Variants in IRX3 observed in about 807,000 individuals in gnomAD.
The protein encoded by IRX3 is iroquois-class homeodomain protein IRX-3.
Under a neutral mutation model 36.4 loss-of-function variants are expected in IRX3, and 20 were observed. The observed-to-expected ratio is 0.55, with a 90% CI of 0.39 to 0.80. IRX3 has a LOEUF of 0.80. Ranked by LOEUF, IRX3 falls within the 30% of genes least tolerant of loss-of-function variation. The pLI is 0.00. For synonymous variants in IRX3, 404 were observed against 351.6 expected (o/e 1.15, Z -1.67); for missense variants, 718 against 733.2 (o/e 0.98, Z 0.24).
In IRX3 at chr16:54,285,380, G is replaced by T. The variant is rs765066799; in HGVS notation, c.501C>A (p.Thr167=). The T allele has an allele frequency of 1.9e-6, 3 of 1,614,094 alleles. No individual in the cohort carries two copies. The African/African-American group carries it at 4.0e-5, about 22-fold the overall frequency. ...KGEKIMLAII[T]KMTLTQVSTW... ...TGGACACCTGGGTGAGGGTCATCTT[G>T]GTGATGATGGCCAGCATGATCTTCT... The change falls in exon 2 of 4, where the codon ACC becomes ACA. Residue 167 remains threonine, a synonymous_variant. Transcript: ENST00000329734. This position sits in a 1 kb window ranked among gnomAD's most constrained non-coding sequence, Gnocchi z 5.7.
chr16:54,284,237 G>T lies in IRX3; in HGVS notation c.1451+9C>A, dbSNP rs940813453. 13 of 1,609,868 alleles carry T rather than the reference G, an allele frequency of 8.1e-6. No individual in the cohort carries two copies. The African/African-American group carries it at 9.4e-5, about 12-fold the overall frequency. On this transcript the variant is annotated intron_variant, in intron 3 of 3. Transcript: ENST00000329734. This position sits in a 1 kb window ranked among gnomAD's most constrained non-coding sequence, Gnocchi z 4.0. ...GTCCCCCTGGCCCCTCAACCTCGGGGTTTCTTACCGCCTGGGCACGGGCTG... is the reference window on the plus strand; with the variant it reads ...GTCCCCCTGGCCCCTCAACCTCGGGTTTTCTTACCGCCTGGGCACGGGCTG...
rs1367845662 is a variant in IRX3, at chr16:54,285,973, G to A, written c.78C>T (p.Ser26=). 4.3e-6 allele frequency: 6 copies of A among 1,381,256 alleles called. No individual in the cohort carries two copies. The highest frequency in any genetic ancestry group is 1.8e-5 in the South Asian group (1 of 56,230). 85.6% of individuals were successfully genotyped at this position (1,381,256 alleles called of 1,614,324 possible). The change falls in exon 1 of 4, where the codon AGC becomes AGT. Residue 26 remains serine, a synonymous_variant. Coordinates refer to ENST00000329734, the MANE Select transcript of IRX3 (RefSeq NM_024336.3). This position sits in a 1 kb window ranked among gnomAD's most constrained non-coding sequence, Gnocchi z 5.7. ...PSERPGAAGG[S]GGSAGARGGL... ...CGCCCCGGGCCCCCGCGCTGCCGCC[G>A]CTGCCGCCAGCGGCCCCCGGGCGCT...
chr16:54,285,060 G>T lies in IRX3; in HGVS notation c.821C>A (p.Ala274Glu). ...TEPELSLAGA[A>E]RRDGDLGLGP... ...CAGGCCTAGGTCGCCATCCCTGCGCGCCGCCCCAGCCAGGGACAGCTCAGG... is the reference window on the plus strand; with the variant it reads ...CAGGCCTAGGTCGCCATCCCTGCGCTCCGCCCCAGCCAGGGACAGCTCAGG... Residue 274 changes from alanine to glutamate, a missense_variant, in exon 2 of 4, where the codon GCG becomes GAG. Transcript: ENST00000329734. This position sits in a 1 kb window ranked among gnomAD's most constrained non-coding sequence, Gnocchi z 5.7. The T allele has an allele frequency of 6.2e-7, 1 of 1,613,786 alleles. No individual in the cohort carries two copies. Among genetic ancestry groups the T allele is most frequent in the Non-Finnish European group, 8.5e-7 (1 of 1,179,958 alleles).
rs202139116 is a variant in IRX3, at chr16:54,284,326, G to A, written c.1385-14C>T. ...CACTACAGCGATCTAAGGGAAGCGG[G>A]GGAAGAAAAAGGAGGGCCTTTAGAG... On this transcript the variant is annotated splice_polypyrimidine_tract_variant and intron_variant, in intron 2 of 3. Coordinates refer to ENST00000329734, the MANE Select transcript of IRX3 (RefSeq NM_024336.3). This position sits in a 1 kb window ranked among gnomAD's most constrained non-coding sequence, Gnocchi z 4.0. 2,527 of 1,600,984 alleles carry A rather than the reference G, an allele frequency of 1.6e-3. 11 individuals are homozygous for A. In the Middle Eastern group the frequency reaches 0.018, roughly 12 times the overall value.
chr16:54,285,694 G>A lies in IRX3; in HGVS notation c.268-81C>T. On this transcript the variant is annotated intron_variant, in intron 1 of 3. Transcript: ENST00000329734. This position sits in a 1 kb window ranked among gnomAD's most constrained non-coding sequence, Gnocchi z 5.7. The stretch of plus-strand genomic sequence containing the variant: ...AGCCATCGCTGCCTCCCCCCTCCTG[G>A]CCTGCACCCCTCTAGTCCGGCCCCC... The A allele has an allele frequency of 6.8e-7, 1 of 1,463,672 alleles. No individual in the cohort carries two copies. Among genetic ancestry groups the A allele is most frequent in the Non-Finnish European group, 9.0e-7 (1 of 1,113,576 alleles). 90.7% of individuals were successfully genotyped at this position (1,463,672 alleles called of 1,614,324 possible).
At position 54,284,567 on chromosome 16, in the gene IRX3, AAGTCCCAGC is replaced by A; in HGVS notation, c.1305_1313del (p.Leu436_Leu438del). The A allele has an allele frequency of 7.1e-7, 1 of 1,411,860 alleles. No individual in the cohort carries two copies. The highest frequency in any genetic ancestry group is 9.1e-7 in the Non-Finnish European group (1 of 1,094,988). 87.5% of individuals were successfully genotyped at this position (1,411,860 alleles called of 1,614,324 possible). ...CAGCCGGGTGGCCCGCGGCTCCGGGAAGTCCCAGCAGGTGCGGAGGGGCAGAGCCCAGCA... is the reference window on the plus strand; with the variant it reads ...CAGCCGGGTGGCCCGCGGCTCCGGGAAGGTGCGGAGGGGCAGAGCCCAGCA... On this transcript the variant is annotated inframe_deletion, in exon 2 of 4. Coordinates refer to ENST00000329734, the MANE Select transcript of IRX3 (RefSeq NM_024336.3). The surrounding 1 kb of genome is among the most constrained non-coding windows in gnomAD (Gnocchi z 4.0).
Position 54,285,956 on chromosome 16 carries a change from GC to G in IRX3, c.94del (p.Ala32ProfsTer12), listed in dbSNP as rs1389586369. The G allele has an allele frequency of 4.2e-6, 6 of 1,413,308 alleles. No homozygotes were observed. The highest frequency in any genetic ancestry group is 1.6e-5 in the South Asian group (1 of 63,100). 87.5% of individuals were successfully genotyped at this position (1,413,308 alleles called of 1,614,324 possible). The stretch of plus-strand genomic sequence containing the variant: ...GGCTCCGGCACCCAGGCCGCCCCGG[GC>G]CCCCGCGCTGCCGCCGCTGCCGCCA... Reference protein sequence around the residue: ...AAGGSGGSAGARGGLGAGASE... With the variant: ...AAGGSGGSAGXRGGLGAGASE... On this transcript the variant is annotated frameshift_variant, in exon 1 of 4. Coordinates refer to ENST00000329734, the MANE Select transcript of IRX3 (RefSeq NM_024336.3). LOFTEE classifies it high-confidence loss of function. The surrounding 1 kb of genome is among the most constrained non-coding windows in gnomAD (Gnocchi z 5.7).
Position 54,284,293 on chromosome 16 carries a change from T to C in IRX3, c.1404A>G (p.Glu468=). The C allele has an allele frequency of 1.2e-6, 2 of 1,611,976 alleles. No individual in the cohort carries two copies. The highest frequency in any genetic ancestry group is 1.7e-6 in the Non-Finnish European group (2 of 1,179,038). ...CTGTCTTGAGTAACTTTTTCTCCAC[T>C]TCCAAGGCACTACAGCGATCTAAGG... The part of the protein sequence containing the change: ...EGGTDRCSAL[E]VEKKLLKTAF... Residue 468 remains glutamate (E), a synonymous_variant, in exon 3 of 4, where the codon GAA becomes GAG. Coordinates refer to ENST00000329734, the MANE Select transcript of IRX3 (RefSeq NM_024336.3). The surrounding 1 kb of genome is among the most constrained non-coding windows in gnomAD (Gnocchi z 4.0).
At position 54,285,074 on chromosome 16, in the gene IRX3, G is replaced by GGACA; in HGVS notation, c.803_806dup (p.Leu270ValfsTer23). On this transcript the variant is annotated frameshift_variant, in exon 2 of 4. Transcript: ENST00000329734. LOFTEE classifies it high-confidence loss of function. This position sits in a 1 kb window ranked among gnomAD's most constrained non-coding sequence, Gnocchi z 5.7. ...CATCCCTGCGCGCCGCCCCAGCCAGGGACAGCTCAGGCTCGGTGGCCGCGC... is the reference window on the plus strand; with the variant it reads ...CATCCCTGCGCGCCGCCCCAGCCAGGGACAGACAGCTCAGGCTCGGTGGCCGCGC... 1 of 1,613,796 alleles carries GGACA rather than the reference G, an allele frequency of 6.2e-7. No homozygotes were observed. Among genetic ancestry groups the GGACA allele is most frequent in the Non-Finnish European group, 8.5e-7 (1 of 1,179,944 alleles).
rs1179477528 is a variant in IRX3 at position 54,286,170 on chromosome 16, C to T, written c.-120G>A. On this transcript the variant is annotated 5_prime_UTR_variant, in exon 1 of 4. Transcript: ENST00000329734. ...CCGGGCTTGGGGCCGCGCTGCCGCCCGCGCTGCGCTGTGCTCCGCGTTCGC... is the reference window on the plus strand; with the variant it reads ...CCGGGCTTGGGGCCGCGCTGCCGCCTGCGCTGCGCTGTGCTCCGCGTTCGC... 1 of 1,053,022 alleles carries T rather than the reference C, an allele frequency of 9.5e-7. No homozygotes were observed. Among genetic ancestry groups the T allele is most frequent in the African/African-American group, 1.7e-5 (1 of 58,534 alleles). 65.2% of individuals were successfully genotyped at this position (1,053,022 alleles called of 1,614,324 possible).
chr16:54,286,225 G>T lies in IRX3; in HGVS notation c.-175C>A. 9.9e-7 allele frequency: 1 copy of T among 1,012,388 alleles called. No individual in the cohort carries two copies. The highest frequency in any genetic ancestry group is 1.2e-6 in the Non-Finnish European group (1 of 848,466). 62.7% of individuals were successfully genotyped at this position (1,012,388 alleles called of 1,614,324 possible). A position where few individuals can be genotyped will look rare whatever the true frequency, so the allele number is the denominator to read the frequency against. The stretch of plus-strand genomic sequence containing the variant: ...TGATCTGCTCCGCGGCGGCGACGGC[G>T]GCGGCGAGGGCGGCGGCGAGGAGCC... On this transcript the variant is annotated 5_prime_UTR_variant, in exon 1 of 4. Transcript: ENST00000329734.
Position 54,283,537 on chromosome 16 carries a change from C to G in IRX3, c.*149G>C. 7.1e-6 allele frequency: 4 copies of G among 563,858 alleles called. No individual in the cohort carries two copies. The highest frequency in any genetic ancestry group is 6.8e-5 in the South Asian group (3 of 44,312). 34.9% of individuals were successfully genotyped at this position (563,858 alleles called of 1,614,324 possible). A position where few individuals can be genotyped will look rare whatever the true frequency, so the allele number is the denominator to read the frequency against. Reference sequence around the variant, plus strand: ...GGGCTGAGGAGGACTGGTTTTATTTCTTTTTCTTACTTTCTTTGTTTAGTT... The same window carrying G: ...GGGCTGAGGAGGACTGGTTTTATTTGTTTTTCTTACTTTCTTTGTTTAGTT... On this transcript the variant is annotated 3_prime_UTR_variant, in exon 4 of 4. Transcript: ENST00000329734. The surrounding 1 kb of genome is among the most constrained non-coding windows in gnomAD (Gnocchi z 4.4).
Position 54,284,024 on chromosome 16 carries a change from C to A in IRX3, c.1451+222G>T. On this transcript the variant is annotated intron_variant, in intron 3 of 3. Coordinates refer to ENST00000329734, the MANE Select transcript of IRX3 (RefSeq NM_024336.3). This position sits in a 1 kb window ranked among gnomAD's most constrained non-coding sequence, Gnocchi z 4.0. ...CAAGGCTTCCCCTAGAAGGTACAAGCGCTGTACCCTCCGGCCGCGCCTGGG... is the reference window on the plus strand; with the variant it reads ...CAAGGCTTCCCCTAGAAGGTACAAGAGCTGTACCCTCCGGCCGCGCCTGGG... The A allele has an allele frequency of 7.2e-7, 1 of 1,390,380 alleles. No individual in the cohort carries two copies. The highest frequency in any genetic ancestry group is 9.4e-7 in the Non-Finnish European group (1 of 1,058,330). 86.1% of individuals were successfully genotyped at this position (1,390,380 alleles called of 1,614,324 possible).
rs1476099142 is a variant in IRX3, at chr16:54,283,516, TGAG to T, written c.*167_*169del. The T allele has an allele frequency of 7.5e-6, 4 of 534,092 alleles. No individual in the cohort carries two copies. Among genetic ancestry groups the T allele is most frequent in the East Asian group, 3.2e-5 (1 of 31,734 alleles). 33.1% of individuals were successfully genotyped at this position (534,092 alleles called of 1,614,324 possible). A position where few individuals can be genotyped will look rare whatever the true frequency, so the allele number is the denominator to read the frequency against. On this transcript the variant is annotated 3_prime_UTR_variant, in exon 4 of 4. Coordinates refer to ENST00000329734, the MANE Select transcript of IRX3 (RefSeq NM_024336.3). This position sits in a 1 kb window ranked among gnomAD's most constrained non-coding sequence, Gnocchi z 4.4. The stretch of plus-strand genomic sequence containing the variant: ...GCCACAGAAGCGACTTGGGGAGGGC[TGAG>T]GAGGACTGGTTTTATTTCTTTTTCT...
chr16:54,285,158 C>T lies in IRX3; in HGVS notation c.723G>A (p.Gly241=), dbSNP rs1464840402. 6.2e-7 allele frequency: 1 copy of T among 1,607,454 alleles called. No homozygotes were observed. The highest frequency in any genetic ancestry group is 8.5e-7 in the Non-Finnish European group (1 of 1,177,092). ...CGTCGTCGTCAGCCAGGCCCTCGCC[C>T]CCCGTGTCCTCCTCCTCCCCCCCGA... ...EELGGEEEDT[G]GEGLADDDED... is the part of the protein sequence containing the mutation. Residue 241 remains glycine, a synonymous_variant, in exon 2 of 4, where the codon GGG becomes GGA. Transcript: ENST00000329734. This position sits in a 1 kb window ranked among gnomAD's most constrained non-coding sequence, Gnocchi z 5.7.
At position 54,283,818 on chromosome 16, in the gene IRX3, T is replaced by C. The variant is rs1901236295; in HGVS notation, c.1452-78A>G. 1 of 1,593,186 alleles carries C rather than the reference T, an allele frequency of 6.3e-7. No homozygotes were observed. Among genetic ancestry groups the C allele is most frequent in the Non-Finnish European group, 8.5e-7 (1 of 1,170,524 alleles). ...GCTGCCTAGGGCGGGGAGATCCTAC[T>C]TGGATTGGGGCCGATCGTCAGGAAG... On this transcript the variant is annotated intron_variant, in intron 3 of 3. Transcript: ENST00000329734. This position sits in a 1 kb window ranked among gnomAD's most constrained non-coding sequence, Gnocchi z 4.4.
Position 54,284,246 on chromosome 16 carries a change from C to A in IRX3, c.1451G>T (p.Arg484Leu), listed in dbSNP as rs201748669. The stretch of plus-strand genomic sequence containing the variant: ...GCCCCTCAACCTCGGGGTTTCTTAC[C>A]GCCTGGGCACGGGCTGGAAAGCTGT... Reference protein sequence around the residue: ...LKTAFQPVPRRPQNHLDAALV... With the variant: ...LKTAFQPVPRLPQNHLDAALV... The change falls in exon 3 of 4, where the codon CGG becomes CTG. Residue 484 changes from arginine (R) to leucine (L), a missense_variant and splice_region_variant. Transcript: ENST00000329734. The surrounding 1 kb of genome is among the most constrained non-coding windows in gnomAD (Gnocchi z 4.0). The A allele has an allele frequency of 2.5e-6, 4 of 1,611,506 alleles. No individual in the cohort carries two copies. Among genetic ancestry groups the A allele is most frequent in the Non-Finnish European group, 3.4e-6 (4 of 1,178,638 alleles).
Position 54,284,484 on chromosome 16 carries a change from G to C in IRX3, c.1384+13C>G. On this transcript the variant is annotated intron_variant, in intron 2 of 3. Transcript: ENST00000329734. This position sits in a 1 kb window ranked among gnomAD's most constrained non-coding sequence, Gnocchi z 4.0. ...AGCCCGCCCCCGCTCCGCGCCCAGCGCTCAGCAGTCACCTGTTCCGCCTTC... is the reference window on the plus strand; with the variant it reads ...AGCCCGCCCCCGCTCCGCGCCCAGCCCTCAGCAGTCACCTGTTCCGCCTTC... 7.1e-7 allele frequency: 1 copy of C among 1,399,940 alleles called. No individual in the cohort carries two copies. The highest frequency in any genetic ancestry group is 9.2e-7 in the Non-Finnish European group (1 of 1,089,914). The allele number at this position is 1,399,940 out of a possible 1,614,324, so 86.7% of individuals were successfully genotyped here.
chr16:54,285,114 A>G lies in IRX3; in HGVS notation c.767T>C (p.Leu256Ser). Residue 256 changes from leucine to serine, a missense_variant, in exon 2 of 4, where the codon TTG (leucine) becomes TCG (serine). Transcript: ENST00000329734. The surrounding 1 kb of genome is among the most constrained non-coding windows in gnomAD (Gnocchi z 5.7). ...ADDDEDEEID[L>S]ENLDGAATEP... is the part of the protein sequence containing the mutation. ...GGTGGCCGCGCCGTCTAAGTTCTCC[A>G]AATCGATCTCCTCGTCCTCGTCGTC... 1.2e-6 allele frequency: 2 copies of G among 1,613,470 alleles called. No individual in the cohort carries two copies. The highest frequency in any genetic ancestry group is 1.7e-6 in the Non-Finnish European group (2 of 1,179,866).
Sources: gnomAD v4.1 joint callset for allele counts on GRCh38, gnomAD v4.1.1 for gene constraint, Gnocchi (gnomAD v3.1) non-coding constraint, MANE v1.5 for transcripts, NCBI Gene and HGNC (gene_info 2026-07-23, HGNC 2026-07-21) for gene names.